Variants in UBC observed in about 807,000 individuals in gnomAD.
The protein encoded by UBC is polyubiquitin-C.
Under a neutral mutation model 34.7 loss-of-function variants are expected in UBC, and 8 were observed. The observed-to-expected ratio is 0.23, with a 90% CI of 0.14 to 0.42. The LOEUF (loss-of-function observed/expected upper bound fraction) is 0.42, where lower values mean the gene tolerates loss of function less well. Ranked by LOEUF, UBC falls within the 10% of genes least tolerant of loss-of-function variation. UBC has a pLI of 1.00. For synonymous variants in UBC, 367 were observed against 299.8 expected (o/e 1.22, Z -2.32); for missense variants, 323 against 750.3 (o/e 0.43, Z 6.65).
In UBC at chr12:124,913,406, G is replaced by C. The variant is rs544951317; in HGVS notation, c.366C>G (p.Ala122=). 22 of 1,589,994 alleles carry C rather than the reference G, an allele frequency of 1.4e-5. No individual in the cohort carries two copies. Among genetic ancestry groups the C allele is most frequent in the Non-Finnish European group, 1.5e-5 (17 of 1,171,760 alleles). The change falls in exon 2 of 2, where the codon GCC becomes GCG. Residue 122 remains alanine, a synonymous_variant. Transcript: ENST00000339647. Reference sequence around the variant, plus strand: ...TGCGCCCATCTTCCAGCTGCTTTCCGGCAAAGATCAACCTCTGCTGGTCAG... The same window carrying C: ...TGCGCCCATCTTCCAGCTGCTTTCCCGCAAAGATCAACCTCTGCTGGTCAG... ...IPPDQQRLIF[A]GKQLEDGRTL...
At position 124,914,035 on chromosome 12, in the gene UBC, G is replaced by T. The variant is rs374103328; in HGVS notation, c.-3-261C>A. On this transcript the variant is annotated intron_variant, in intron 1 of 1. Coordinates refer to ENST00000339647, the MANE Select transcript of UBC (RefSeq NM_021009.7). ...GTCCGGCGCCTGTCGATTCAGGAGA[G>T]CCTACCCTAGGCCCGAACCCTGCGT... is the stretch of plus-strand genomic sequence containing the variant. The T allele has an allele frequency of 1.2e-4, 63 of 544,292 alleles. No homozygotes were observed. The South Asian group carries it at 1.3e-3, about 11-fold the overall frequency. The allele number at this position is 544,292 out of a possible 1,614,324, so 33.7% of individuals were successfully genotyped here. A position where few individuals can be genotyped will look rare whatever the true frequency, so the allele number is the denominator to read the frequency against.
chr12:124,913,849 C>T, intron 1 of UBC, 75 bp from the exon 2 acceptor site: 1 of 1,572,250 alleles, frequency 6.4e-7, no homozygotes, highest in Non-Finnish European at 8.6e-7. Flanking sequence ...ACATATTGAC[C>T]CAAATGATTA....
rs1372290532 is a variant in UBC, at chr12:124,913,040, C to T, written c.732G>A (p.Glu244=). 1 of 1,608,442 alleles carries T rather than the reference C, an allele frequency of 6.2e-7. No homozygotes were observed. The highest frequency in any genetic ancestry group is 2.2e-5 in the East Asian group (1 of 44,496). Residue 244 remains glutamate (E), a synonymous_variant, in exon 2 of 2, where the codon GAG becomes GAA. Transcript: ENST00000339647. ...TCTCGATAGTGTCACTGGGCTCGAC[C>T]TCAAGGGTGATGGTCTTGCCAGTGA... is the stretch of plus-strand genomic sequence containing the variant. ...KTLTGKTITL[E]VEPSDTIENV... is the part of the protein sequence containing the mutation.
chr12:124,913,757 C>T lies in UBC; in HGVS notation c.15G>A (p.Val5=), dbSNP rs1953561113. The part of the protein sequence containing the change: MQIF[V]KTLTGKTITL... ...TGATGGTCTTACCAGTCAGAGTCTTCACGAAGATCTGCATTGTCTAACAAA... is the reference window on the plus strand; with the variant it reads ...TGATGGTCTTACCAGTCAGAGTCTTTACGAAGATCTGCATTGTCTAACAAA... The change falls in exon 2 of 2, where the codon GTG becomes GTA. Residue 5 remains valine (V), a synonymous_variant. Coordinates refer to ENST00000339647, the MANE Select transcript of UBC (RefSeq NM_021009.7). 6.2e-7 allele frequency: 1 copy of T among 1,614,092 alleles called. No homozygotes were observed. The highest frequency in any genetic ancestry group is 1.3e-5 in the African/African-American group (1 of 74,948).
intron 1 of UBC, chr12:124,914,185 T>C (rs59522292): frequency 0.02 from 4,382 of 219,344 alleles, 188 homozygotes; most frequent in African/African-American, 0.086. Flanking sequence ...ACGGGTGCAC[T>C]GCCCAACGGC....
intron 1 of UBC, 54 bp from the exon 2 acceptor site, chr12:124,913,828 CACTGAA>C (rs1181568005): frequency 6.3e-7 from 1 of 1,594,938 alleles, no homozygotes; most frequent in Non-Finnish European, 8.5e-7. Context: ...ACTAGTCTAA[CACTGAA>C]AATTACATAT....
In UBC at chr12:124,912,698, A is replaced by G. The variant is rs71458876; in HGVS notation, c.1074T>C (p.Arg358=). The G allele has an allele frequency of 6.3e-3, 10,052 of 1,599,596 alleles. 146 individuals are homozygous for G. The highest frequency in any genetic ancestry group is 0.043 in the Middle Eastern group (254 of 5,910). ...IFAGKQLEDG[R]TLSDYNIQKE... ...TCTGGATGTTGTAGTCAGACAGGGT[A>G]CGACCATCTTCCAGCTGTTTTCCGG... The change falls in exon 2 of 2, where the codon CGT becomes CGC. Residue 358 remains arginine (R), a synonymous_variant. Coordinates refer to ENST00000339647, the MANE Select transcript of UBC (RefSeq NM_021009.7).
At position 124,913,606 on chromosome 12, in the gene UBC, G is replaced by A. The variant is rs769778414; in HGVS notation, c.166C>T (p.Leu56=). Residue 56 remains leucine (L), a synonymous_variant, in exon 2 of 2, where the codon CTG becomes TTG. Coordinates refer to ENST00000339647, the MANE Select transcript of UBC (RefSeq NM_021009.7). ...TCTTTCTGGATGTTGTAGTCAGACA[G>A]GGTGCGCCCATCTTCCAGCTGTTTT... The part of the protein sequence containing the change: ...AGKQLEDGRT[L]SDYNIQKEST... 7.4e-6 allele frequency: 12 copies of A among 1,612,006 alleles called. No individual in the cohort carries two copies. The Admixed American group carries it at 8.4e-5, about 11-fold the overall frequency.
chr12:124,912,994 C>G lies in UBC; in HGVS notation c.778G>C (p.Asp260His), dbSNP rs1446225897. 6.2e-7 allele frequency: 1 copy of G among 1,611,310 alleles called. No individual in the cohort carries two copies. Among genetic ancestry groups the G allele is most frequent in the South Asian group, 1.1e-5 (1 of 90,854 alleles). Residue 260 changes from aspartate to histidine, a missense_variant, in exon 2 of 2, where the codon GAC (aspartate) becomes CAC (histidine). Physicochemically the swap from Asp to His is moderately conservative, Grantham distance 81. Around this residue, in one of 5 missense-constraint regions of UBC, gnomAD observed 202 missense variants for 361.9 expected, o/e 0.56. Transcript: ENST00000339647. ...TGGTCAGGAGGAATGCCTTCCTTGT[C>G]TTGGATCTTTGCTTTGACGTTCTCG... ...TIENVKAKIQDKEGIPPDQQR... is the reference protein window; with the variant it reads ...TIENVKAKIQHKEGIPPDQQR...
chr12:124,913,581 T>C lies in UBC; in HGVS notation c.191A>G (p.Glu64Gly). 6.2e-7 allele frequency: 1 copy of C among 1,611,492 alleles called. No homozygotes were observed. ...RTLSDYNIQKESTLHLVLRLR... is the reference protein window; with the variant it reads ...RTLSDYNIQKGSTLHLVLRLR... ...ACGGAGCACCAGGTGCAGGGTGGAC[T>C]CTTTCTGGATGTTGTAGTCAGACAG... The change falls in exon 2 of 2, where the codon GAG (glutamate) becomes GGG (glycine). Residue 64 changes from glutamate (E) to glycine (G), a missense_variant. By Grantham distance (98) the Glu-to-Gly change is moderately conservative (BLOSUM62 -2). Transcript: ENST00000339647.
chr12:124,911,771 G>A lies in UBC; in HGVS notation c.2001C>T (p.Tyr667=), dbSNP rs763254125. 15 of 1,613,860 alleles carry A rather than the reference G, an allele frequency of 9.3e-6. No individual in the cohort carries two copies. The East Asian group carries it at 2.7e-4, about 29-fold the overall frequency. ...GCAGAGTGGACTCTTTCTGGATGTTGTAGTCAGACAGGGTGCGTCCATCTT... is the reference window on the plus strand; with the variant it reads ...GCAGAGTGGACTCTTTCTGGATGTTATAGTCAGACAGGGTGCGTCCATCTT... The part of the protein sequence containing the change: ...QLEDGRTLSD[Y]NIQKESTLHL... Residue 667 remains tyrosine (Y), a synonymous_variant, in exon 2 of 2, where the codon TAC becomes TAT. Coordinates refer to ENST00000339647, the MANE Select transcript of UBC (RefSeq NM_021009.7).
At position 124,913,370 on chromosome 12, in the gene UBC, G is replaced by A; in HGVS notation, c.402C>T (p.Asp134=). 3 of 1,609,860 alleles carry A rather than the reference G, an allele frequency of 1.9e-6. No homozygotes were observed. The highest frequency in any genetic ancestry group is 2.2e-5 in the East Asian group (1 of 44,658). ...KQLEDGRTLS[D]YNIQKESTLH... ...GGGTAGACTCTTTCTGGATGTTGTA[G>A]TCAGACAGGGTGCGCCCATCTTCCA... The change falls in exon 2 of 2, where the codon GAC becomes GAT. Residue 134 remains aspartate, a synonymous_variant. Transcript: ENST00000339647.
Position 124,913,663 on chromosome 12 carries a change from G to A in UBC, c.109C>T (p.Pro37Ser), listed in dbSNP as rs1566302977. Residue 37 changes from proline to serine, a missense_variant, in exon 2 of 2, where the codon CCT becomes TCT. Physicochemically the swap from Pro to Ser is moderately conservative, Grantham distance 74. This residue lies in a region of UBC where 202 missense variants were observed against 361.9 expected (regional missense o/e 0.56). Transcript: ENST00000339647. ...KAKIQDKEGIPPDQQRLIFAG... is the reference protein window; with the variant it reads ...KAKIQDKEGISPDQQRLIFAG... ...AAGATCAGCCTCTGCTGGTCAGGAG[G>A]GATGCCTTCCTTATCTTGGATCTTT... 1.2e-6 allele frequency: 2 copies of A among 1,613,358 alleles called. No individual in the cohort carries two copies. The highest frequency in any genetic ancestry group is 1.7e-6 in the Non-Finnish European group (2 of 1,179,826).
Position 124,913,019 on chromosome 12 carries a change from G to T in UBC, c.753C>A (p.Ile251=). ...CTTGGATCTTTGCTTTGACGTTCTC[G>T]ATAGTGTCACTGGGCTCGACCTCAA... ...ITLEVEPSDT[I]ENVKAKIQDK... Residue 251 remains isoleucine (I), a synonymous_variant, in exon 2 of 2, where the codon ATC becomes ATA. Transcript: ENST00000339647. 6.2e-7 allele frequency: 1 copy of T among 1,610,858 alleles called. No homozygotes were observed. The highest frequency in any genetic ancestry group is 8.5e-7 in the Non-Finnish European group (1 of 1,178,888).
chr12:124,912,663 G>A lies in UBC; in HGVS notation c.1109C>T (p.Thr370Ile). Residue 370 changes from threonine (T) to isoleucine (I), a missense_variant, in exon 2 of 2, where the codon ACC becomes ATC. Transcript: ENST00000339647. The stretch of plus-strand genomic sequence containing the variant: ...TCTGAGACGGAGCACCAGGTGCAAG[G>A]TGGACTCTTTCTGGATGTTGTAGTC... ...LSDYNIQKES[T>I]LHLVLRLRGG... The A allele has an allele frequency of 6.2e-7, 1 of 1,611,552 alleles. No individual in the cohort carries two copies. Among genetic ancestry groups the A allele is most frequent in the Non-Finnish European group, 8.5e-7 (1 of 1,179,354 alleles).
intron 1 of UBC, 173 bp from the exon 2 acceptor site, chr12:124,913,947 A>AAGAT (rs1953568443): frequency 9.9e-7 from 1 of 1,013,738 alleles, no homozygotes; most frequent in East Asian, 2.6e-5. Context: ...GCTACTTAAG[A>AAGAT]AGATAGGTAC....
rs1566300779 is a variant in UBC at position 124,911,713 on chromosome 12, C to T, written c.*1G>A. ...TTTGTTGAAACCTTAAAAGGGGAAA[C>T]TTAGACACCCCCCCTCAAGCGCAGG... On this transcript the variant is annotated 3_prime_UTR_variant, in exon 2 of 2. Coordinates refer to ENST00000339647, the MANE Select transcript of UBC (RefSeq NM_021009.7). 5.6e-6 allele frequency: 9 copies of T among 1,602,964 alleles called. No homozygotes were observed. Among genetic ancestry groups the T allele is most frequent in the Admixed American group, 1.7e-5 (1 of 59,408 alleles).
At chr12:124,914,010 G>T in intron 1 of UBC, 1 of 623,850 alleles carries the variant, frequency 1.6e-6, no homozygotes, top group African/African-American at 1.8e-5. Context: ...CTCACCAGAG[G>T]TCCGGCGCCT....
In UBC at chr12:124,912,532, C is replaced by G; in HGVS notation, c.1240G>C (p.Glu414Gln). Residue 414 changes from glutamate (E) to glutamine (Q), a missense_variant, in exon 2 of 2, where the codon GAA becomes CAA. Coordinates refer to ENST00000339647, the MANE Select transcript of UBC (RefSeq NM_021009.7). ...CTCTGCTGGTCAGGAGGGATGCCTT[C>G]CTTGTCTTGGATCTTTGCCTTGACA... is the stretch of plus-strand genomic sequence containing the variant. ...ENVKAKIQDK[E>Q]GIPPDQQRLI... The G allele has an allele frequency of 6.5e-7, 1 of 1,529,678 alleles. No individual in the cohort carries two copies. Among genetic ancestry groups the G allele is most frequent in the Non-Finnish European group, 8.7e-7 (1 of 1,145,816 alleles). 94.8% of individuals were successfully genotyped at this position (1,529,678 alleles called of 1,614,324 possible).
Sources: allele counts gnomAD v4.1 joint callset, GRCh38; gene constraint gnomAD v4.1.1; regional missense constraint gnomAD v4.1.1; transcripts MANE v1.5; gene names NCBI Gene and HGNC (gene_info 2026-07-23, HGNC 2026-07-21).